Variants in SEMA5A observed in about 807,000 individuals in gnomAD.
SEMA5A encodes semaphorin-5A.
Under a neutral mutation model 135.5 loss-of-function variants are expected in SEMA5A, and 55 were observed. The ratio of observed to expected loss-of-function variants is 0.41; its 90% CI spans 0.33 to 0.51. SEMA5A has a LOEUF of 0.51. Ranked by LOEUF, SEMA5A falls within the 20% of genes least tolerant of loss-of-function variation. SEMA5A has a pLI of 0.37. For synonymous variants in SEMA5A, 580 were observed against 546.5 expected (o/e 1.06, Z -0.85); for missense variants, 1,290 against 1,419.9 (o/e 0.91, Z 1.47).
intron 3 of SEMA5A, among the ~76,000 whole-genome samples, chr5:9,341,791 A>G (rs1753667052): frequency 6.6e-6 from 1 of 151,452 alleles, no homozygotes; most frequent in Non-Finnish European, 1.5e-5. Flanking sequence ...TCCAATTTTT[A>G]CACATATATT....
intron 5 of SEMA5A, among the ~76,000 whole-genome samples, chr5:9,246,556 G>A (rs946997051): frequency 6.6e-6 from 1 of 152,114 alleles, no homozygotes; most frequent in African/African-American, 2.4e-5. Flanking sequence ...AAGCAAATTA[G>A]AATTAGATGT....
intron 11 of SEMA5A, among the ~76,000 whole-genome samples, chr5:9,173,768 G>A (rs40718): frequency 0.45 from 67,671 of 152,012 alleles, 15,470 homozygotes; most frequent in Non-Finnish European, 0.51. Flanking sequence ...ACAAGGTCTC[G>A]TTAACACATT....
At chr5:9,096,237 A>T (rs909599335) in intron 16 of SEMA5A, among the ~76,000 whole-genome samples, 4 of 152,166 alleles carry the variant, frequency 2.6e-5, no homozygotes, top group Admixed American at 2.6e-4. Context: ...TTCTGAATAC[A>T]ACACACCATC....
intron 5 of SEMA5A, among the ~76,000 whole-genome samples, chr5:9,288,485 C>A (rs1421518590): frequency 6.6e-6 from 1 of 152,104 alleles, no homozygotes; most frequent in African/African-American, 2.4e-5. Flanking sequence ...GGCACAGGGG[C>A]ATGACAGCAG....
At chr5:9,301,325 C>A (rs1032677805) in intron 5 of SEMA5A, among the ~76,000 whole-genome samples, 1 of 152,218 alleles carries the variant, frequency 6.6e-6, no homozygotes. Flanking sequence ...TCAAAATGTG[C>A]AACGTCATTG....
At chr5:9,332,125 TACTC>T (rs1753166729) in intron 4 of SEMA5A, among the ~76,000 whole-genome samples, 1 of 151,800 alleles carries the variant, frequency 6.6e-6, no homozygotes, top group Non-Finnish European at 1.5e-5. Context: ...TATAGACTGG[TACTC>T]ACACTGGGTC....
intron 5 of SEMA5A, among the ~76,000 whole-genome samples, chr5:9,281,530 G>T (rs1750540582): frequency 6.6e-6 from 1 of 152,150 alleles, no homozygotes; most frequent in Non-Finnish European, 1.5e-5. Flanking sequence ...AGTCAACTGT[G>T]CCAAGACGGA....
At chr5:9,523,555 G>A (rs1434940418) in intron 1 of SEMA5A, among the ~76,000 whole-genome samples, 1 of 152,092 alleles carries the variant, frequency 6.6e-6, no homozygotes, top group Non-Finnish European at 1.5e-5. Flanking sequence ...TATAACGAGG[G>A]ACAAAGGGAA....
At chr5:9,284,376 C>G (rs1326691652) in intron 5 of SEMA5A, among the ~76,000 whole-genome samples, 1 of 152,102 alleles carries the variant, frequency 6.6e-6, no homozygotes, top group South Asian at 2.1e-4. Flanking sequence ...AGCAAAAGAC[C>G]TTCAGTTTCA....
intron 3 of SEMA5A, among the ~76,000 whole-genome samples, chr5:9,375,073 C>A (rs1020023594): frequency 7.9e-5 from 12 of 152,162 alleles, no homozygotes; most frequent in African/African-American, 2.7e-4. Context: ...CCTTGCATGA[C>A]TGACATGAAT....
At chr5:9,154,373 C>CATG in intron 12 of SEMA5A, 115 bp downstream of exon 12, 2 of 805,366 alleles carry the variant, frequency 2.5e-6, no homozygotes, top group Non-Finnish European at 4.0e-6. Flanking sequence ...CTCTCAGAGG[C>CATG]ATGAAGGGTG....
intron 5 of SEMA5A, among the ~76,000 whole-genome samples, chr5:9,292,663 T>C (rs1456067528): frequency 6.6e-6 from 1 of 152,128 alleles, no homozygotes; most frequent in African/African-American, 2.4e-5. Context: ...AAAAAAACCA[T>C]GTTTGTTTGA....
At chr5:9,068,632 A>G (rs988612846) in intron 16 of SEMA5A, among the ~76,000 whole-genome samples, 7 of 152,112 alleles carry the variant, frequency 4.6e-5, no homozygotes, top group African/African-American at 1.7e-4. Flanking sequence ...GTGGAGTGGG[A>G]GAGAGGTATG....
chr5:9,121,765 G>A (rs1267556355), intron 14 of SEMA5A, among the ~76,000 whole-genome samples: 1 of 151,780 alleles, frequency 6.6e-6, no homozygotes, highest in East Asian at 1.9e-4. Flanking sequence ...TGAGAAAAAT[G>A]TGAGCAGAGG....
intron 6 of SEMA5A, among the ~76,000 whole-genome samples, chr5:9,229,036 C>T (rs1184047931): frequency 2.0e-5 from 3 of 152,178 alleles, no homozygotes; most frequent in Non-Finnish European, 2.9e-5. Flanking sequence ...AATGATCCTC[C>T]CACCTTGGCC....
chr5:9,125,807 T>C (rs1010415445), intron 13 of SEMA5A, among the ~76,000 whole-genome samples: 1 of 151,304 alleles, frequency 6.6e-6, no homozygotes, highest in Admixed American at 6.6e-5. Flanking sequence ...TACAGAAGAT[T>C]CTGTGTTAAA....
intron 3 of SEMA5A, among the ~76,000 whole-genome samples, chr5:9,340,546 C>T (rs146427198): frequency 4.1e-4 from 63 of 152,246 alleles, no homozygotes; most frequent in Admixed American, 1.6e-3. Context: ...TACTGAACAA[C>T]GGGAAGGCAG....
chr5:9,168,565 C>G (rs1282465109), intron 11 of SEMA5A, among the ~76,000 whole-genome samples: 1 of 152,184 alleles, frequency 6.6e-6, no homozygotes, highest in African/African-American at 2.4e-5. Context: ...GGGCCTCCCT[C>G]CATCTCAGAA....
intron 5 of SEMA5A, among the ~76,000 whole-genome samples, chr5:9,247,630 C>G (rs569537708): frequency 2.0e-4 from 31 of 152,174 alleles, no homozygotes; most frequent in African/African-American, 7.5e-4. Context: ...GAGATATATC[C>G]TATCAAAGTC....
Sources: allele counts gnomAD v4.1 joint callset (sites outside exome capture counted in the v4.1 genomes callset), GRCh38; gene constraint gnomAD v4.1.1; transcripts MANE v1.5; gene names NCBI Gene and HGNC (gene_info 2026-07-23, HGNC 2026-07-21).